Variants in CHPF2 observed in about 807,000 individuals in gnomAD.
CHPF2 encodes chondroitin polymerizing factor 2, non-catalytic subunit.
A neutral mutation model predicts 63.0 loss-of-function variants in CHPF2; 58 were observed. The ratio of observed to expected loss-of-function variants is 0.92; its 90% confidence interval spans 0.75 to 1.15. The LOEUF is 1.15. Ranked by LOEUF, CHPF2 falls within the 50% of genes most tolerant of loss-of-function variation. The probability of loss-of-function intolerance (pLI) is 0.00; values close to 1 mark genes in which losing one functional copy is unlikely to be tolerated. For missense variants in CHPF2, 1,045 were observed against 1,035.4 expected, an observed-to-expected ratio of 1.01 and a Z score of -0.13; for synonymous variants, 442 against 438.0, an observed-to-expected ratio of 1.01 and a Z score of -0.11.
chr7:151,236,389 G>T lies in CHPF2; in HGVS notation c.829-19G>T. ...GCAGCTCTTGTGTGTGTCATTGATT[G>T]GTCTGATTGTCCCTCTAGGGGCAGC... On this transcript the variant is annotated intron_variant, in intron 2 of 3. Transcript: ENST00000035307. The T allele has an allele frequency of 3.9e-6, 6 of 1,546,530 alleles. No individual in the cohort carries two copies. The highest frequency in any genetic ancestry group is 1.2e-5 in the South Asian group (1 of 82,942).
chr7:151,233,859 TC>T lies in CHPF2; in HGVS notation c.-151del. On this transcript the variant is annotated 5_prime_UTR_variant, in exon 1 of 4. The change abolishes the stop of an existing upstream ORF in the 5' untranslated region. Transcript: ENST00000035307. Reference sequence around the variant, plus strand: ...AGGACAATCTTCTTGGGGATGCTGGTCCTGGAAGCCAGCGGGCCTCGCTCTG... The same window carrying T: ...AGGACAATCTTCTTGGGGATGCTGGTCTGGAAGCCAGCGGGCCTCGCTCTG... 7.8e-7 allele frequency: 1 copy of T among 1,275,610 alleles called. No individual in the cohort carries two copies. 79.0% of individuals were successfully genotyped at this position (1,275,610 alleles called of 1,614,324 possible). A position where few individuals can be genotyped will look rare whatever the true frequency, so the allele number is the denominator to read the frequency against.
In CHPF2 at chr7:151,235,407, G is replaced by A. The variant is rs376176162; in HGVS notation, c.623G>A (p.Gly208Asp). The A allele has an allele frequency of 1.9e-6, 3 of 1,613,068 alleles. No individual in the cohort carries two copies. Among genetic ancestry groups the A allele is most frequent in the African/African-American group, 2.7e-5 (2 of 74,940 alleles). The change falls in exon 2 of 4, where the codon GGC becomes GAC. Residue 208 changes from glycine (G) to aspartate (D), a missense_variant. Coordinates refer to ENST00000035307, the MANE Select transcript of CHPF2 (RefSeq NM_019015.3). ...HLSINQDLYL[G>D]RAEEFIGAGE... ...AGCATCAACCAAGACCTGTACTTAG[G>A]CCGGGCAGAGGAGTTCATTGGCGCA...
rs772962063 is a variant in CHPF2 at position 151,235,485 on chromosome 7, G to A, written c.701G>A (p.Ser234Asn). The A allele has an allele frequency of 6.2e-7, 1 of 1,611,664 alleles. No individual in the cohort carries two copies. Among genetic ancestry groups the A allele is most frequent in the Non-Finnish European group, 8.5e-7 (1 of 1,180,022 alleles). The part of the protein sequence containing the change: ...HGGFGYLLSR[S>N]LLLRLRPHLD... ...GGCTTTGGCTACCTGTTGTCACGGA[G>A]TCTCCTGCTTCGTCTGCGGCCACAT... Residue 234 changes from serine (S) to asparagine (N), a missense_variant, in exon 2 of 4, where the codon AGT becomes AAT. Transcript: ENST00000035307.
At chr7:151,235,645 G>C in intron 2 of CHPF2, 33 bp downstream of exon 2, 1 of 1,559,680 alleles carries the variant, frequency 6.4e-7, no homozygotes, top group Non-Finnish European at 8.7e-7. Context: ...CCCAGTCCCT[G>C]ATAAGCTAGT....
In CHPF2 at chr7:151,237,924, C is replaced by G; in HGVS notation, c.1562C>G (p.Ala521Gly). The G allele has an allele frequency of 6.2e-7, 1 of 1,612,934 alleles. No individual in the cohort carries two copies. Among genetic ancestry groups the G allele is most frequent in the Non-Finnish European group, 8.5e-7 (1 of 1,179,952 alleles). ...AANVLEPREHALLTLLLVYGP... is the reference protein window; with the variant it reads ...AANVLEPREHGLLTLLLVYGP... ...AATGTCCTGGAGCCACGAGAACATGCATTGCTCACCCTGTTGCTGGTCTAC... is the reference window on the plus strand; with the variant it reads ...AATGTCCTGGAGCCACGAGAACATGGATTGCTCACCCTGTTGCTGGTCTAC... The change falls in exon 4 of 4, where the codon GCA (alanine) becomes GGA (glycine). Residue 521 changes from alanine to glycine, a missense_variant. Physicochemically the swap from Ala to Gly is moderately conservative, Grantham distance 60. Transcript: ENST00000035307.
rs1388309195 is a variant in CHPF2, at chr7:151,238,337, C to G, written c.1975C>G (p.Pro659Ala). The G allele has an allele frequency of 6.2e-7, 1 of 1,609,634 alleles. No individual in the cohort carries two copies. Among genetic ancestry groups the G allele is most frequent in the Non-Finnish European group, 8.5e-7 (1 of 1,177,888 alleles). Reference protein sequence around the residue: ...PPGADPSRGAPIGGRFDRQAS... With the variant: ...PPGADPSRGAAIGGRFDRQAS... ...TGGTGCTGACCCCTCCCGGGGGGCT[C>G]CTATAGGGGGGAGATTTGACCGGCA... Residue 659 changes from proline (P) to alanine (A), a missense_variant, in exon 4 of 4, where the codon CCT becomes GCT. By Grantham distance (27) the Pro-to-Ala change is conservative. Transcript: ENST00000035307.
Position 151,232,860 on chromosome 7 carries a change from A to G in CHPF2, c.-1152A>G, listed in dbSNP as rs1355666480. The stretch of plus-strand genomic sequence containing the variant: ...GCCGCGACCTCCGACCCCGCCTCGC[A>G]GAACGACCCGAGCTGGTCTCCCGAG... On this transcript the variant is annotated 5_prime_UTR_variant, in exon 1 of 4. Transcript: ENST00000035307. 1 of 1,435,022 alleles carries G rather than the reference A, an allele frequency of 7.0e-7. No homozygotes were observed. Among genetic ancestry groups the G allele is most frequent in the Non-Finnish European group, 9.1e-7 (1 of 1,098,206 alleles). The allele number at this position is 1,435,022 out of a possible 1,614,324, so 88.9% of individuals were successfully genotyped here.
chr7:151,232,888 C>T lies in CHPF2; in HGVS notation c.-1124C>T. 2 of 1,383,996 alleles carry T rather than the reference C, an allele frequency of 1.4e-6. No homozygotes were observed. The highest frequency in any genetic ancestry group is 1.9e-6 in the Non-Finnish European group (2 of 1,073,800). 85.7% of individuals were successfully genotyped at this position (1,383,996 alleles called of 1,614,324 possible). A position where few individuals can be genotyped will look rare whatever the true frequency, so the allele number is the denominator to read the frequency against. On this transcript the variant is annotated 5_prime_UTR_variant, in exon 1 of 4. Coordinates refer to ENST00000035307, the MANE Select transcript of CHPF2 (RefSeq NM_019015.3). ...ACGACCCGAGCTGGTCTCCCGAGCC[C>T]CCTTCTCAGCAGCCCGGTGACGTGG...
rs576554820 is a variant in CHPF2 at position 151,237,460 on chromosome 7, A to G, written c.1098A>G (p.Pro366=). The G allele has an allele frequency of 3.1e-6, 5 of 1,613,894 alleles. No homozygotes were observed. The South Asian group carries it at 5.5e-5, about 18-fold the overall frequency. The change falls in exon 4 of 4, where the codon CCA becomes CCG. Residue 366 remains proline, a synonymous_variant. Transcript: ENST00000035307. ...WPVGLPAPFT[P]HSRFEVLGWD... Reference sequence around the variant, plus strand: ...TTGGGCTCCCTGCTCCTTTCACACCACACTCTCGCTTTGAGGTGCTGGGCT... The same window carrying G: ...TTGGGCTCCCTGCTCCTTTCACACCGCACTCTCGCTTTGAGGTGCTGGGCT...
chr7:151,234,814 G>A (rs1380476652), intron 1 of CHPF2, among the ~76,000 whole-genome samples: 1 of 152,094 alleles, frequency 6.6e-6, no homozygotes, highest in African/African-American at 2.4e-5. Flanking sequence ...CTTGAACAGA[G>A]GAGGAATTGC....
At position 151,233,104 on chromosome 7, in the gene CHPF2, GCT is replaced by G; in HGVS notation, c.-901_-900del. 2 of 1,195,548 alleles carry G rather than the reference GCT, an allele frequency of 1.7e-6. No individual in the cohort carries two copies. The highest frequency in any genetic ancestry group is 2.1e-6 in the Non-Finnish European group (2 of 962,918). The allele number at this position is 1,195,548 out of a possible 1,614,324, so 74.1% of individuals were successfully genotyped here. On this transcript the variant is annotated 5_prime_UTR_variant, in exon 1 of 4. Transcript: ENST00000035307. The stretch of plus-strand genomic sequence containing the variant: ...GGCATTGTCTCTAGTTGCTGCTTGT[GCT>G]CTCTCTTTGCTTTTGGTTTGCTTCA...
At chr7:151,237,076 G>A (rs2446065) in intron 3 of CHPF2, 10 of 606,740 alleles carry the variant, frequency 1.6e-5, no homozygotes, top group Non-Finnish European at 3.1e-5. Flanking sequence ...GAGTCCTTTG[G>A]GTGTAGGAGA....
rs779781742 is a variant in CHPF2 at position 151,238,166 on chromosome 7, G to A, written c.1804G>A (p.Glu602Lys). The part of the protein sequence containing the change: ...LTTVWTRPGP[E>K]VLNRCRMNAI... Reference sequence around the variant, plus strand: ...CACCGTGTGGACAAGGCCTGGGCCCGAAGTCCTCAACCGCTGTCGCATGAA... The same window carrying A: ...CACCGTGTGGACAAGGCCTGGGCCCAAAGTCCTCAACCGCTGTCGCATGAA... The change falls in exon 4 of 4, where the codon GAA (glutamate) becomes AAA (lysine). Residue 602 changes from glutamate (E) to lysine (K), a missense_variant. Transcript: ENST00000035307. 129 of 1,612,544 alleles carry A rather than the reference G, an allele frequency of 8.0e-5. No homozygotes were observed. The highest frequency in any genetic ancestry group is 1.0e-4 in the Admixed American group (6 of 60,004).
At position 151,234,210 on chromosome 7, in the gene CHPF2, G is replaced by A. The variant is rs1802559761; in HGVS notation, c.199G>A (p.Asp67Asn). Reference sequence around the variant, plus strand: ...AGCTCGGCTAGACCAAAGTGATGAAGACTTCAAACCCCGGATTGTCCCCTA... The same window carrying A: ...AGCTCGGCTAGACCAAAGTGATGAAAACTTCAAACCCCGGATTGTCCCCTA... ...SRARLDQSDEDFKPRIVPYYR... is the reference protein window; with the variant it reads ...SRARLDQSDENFKPRIVPYYR... The change falls in exon 1 of 4, where the codon GAC (aspartate) becomes AAC (asparagine). Residue 67 changes from aspartate to asparagine, a missense_variant. Physicochemically the swap from Asp to Asn is conservative, Grantham distance 23 (BLOSUM62 1). Transcript: ENST00000035307. The A allele has an allele frequency of 1.9e-6, 3 of 1,613,182 alleles. No individual in the cohort carries two copies. The East Asian group carries it at 6.7e-5, about 36-fold the overall frequency.
rs563231366 is a variant in CHPF2, at chr7:151,233,291, T to G, written c.-721T>G. On this transcript the variant is annotated 5_prime_UTR_variant, in exon 1 of 4. Coordinates refer to ENST00000035307, the MANE Select transcript of CHPF2 (RefSeq NM_019015.3). ...CTCCTGAGAGGCTGTCAGTGCTGAG[T>G]CACCGATCTACCTCATTCGGGTGGG... The G allele has an allele frequency of 1.4e-4, 142 of 988,576 alleles. 1 individual carries two copies. The highest frequency in any genetic ancestry group is 1.7e-4 in the Non-Finnish European group (139 of 832,138). 61.2% of individuals were successfully genotyped at this position (988,576 alleles called of 1,614,324 possible).
chr7:151,236,388 T>C lies in CHPF2; in HGVS notation c.829-20T>C. 5 of 1,544,416 alleles carry C rather than the reference T, an allele frequency of 3.2e-6. No homozygotes were observed. The highest frequency in any genetic ancestry group is 4.4e-6 in the Non-Finnish European group (5 of 1,139,100). On this transcript the variant is annotated intron_variant, in intron 2 of 3. Transcript: ENST00000035307. ...GGCAGCTCTTGTGTGTGTCATTGAT[T>C]GGTCTGATTGTCCCTCTAGGGGCAG...
chr7:151,238,498 A>C lies in CHPF2; in HGVS notation c.2136A>C (p.Ser712=). The change falls in exon 4 of 4, where the codon TCA becomes TCC. Residue 712 remains serine (S), a synonymous_variant. Transcript: ENST00000035307. The part of the protein sequence containing the change: ...LEVMDVFLRF[S]GLHLFRAVEP... ...TGATGGATGTTTTCCTCCGGTTCTC[A>C]GGGCTCCACCTCTTTCGGGCCGTAG... 6.3e-7 allele frequency: 1 copy of C among 1,597,474 alleles called. No individual in the cohort carries two copies. The highest frequency in any genetic ancestry group is 8.6e-7 in the Non-Finnish European group (1 of 1,169,538).
chr7:151,237,357 C>T lies in CHPF2; in HGVS notation c.1012-17C>T. ...CTGGAGCTGGCACTAATGTGAGGTGCATTCCCTCCAACCCAGGCTCAGATC... is the reference window on the plus strand; with the variant it reads ...CTGGAGCTGGCACTAATGTGAGGTGTATTCCCTCCAACCCAGGCTCAGATC... On this transcript the variant is annotated splice_polypyrimidine_tract_variant and intron_variant, in intron 3 of 3. Transcript: ENST00000035307. 6.4e-7 allele frequency: 1 copy of T among 1,565,102 alleles called. No homozygotes were observed. The highest frequency in any genetic ancestry group is 1.7e-5 in the Admixed American group (1 of 57,332).
At chr7:151,234,426 C>A (rs1802566684) in intron 1 of CHPF2, 152 bp downstream of exon 1, 2 of 544,332 alleles carry the variant, frequency 3.7e-6, no homozygotes, top group Non-Finnish European at 6.1e-6. Flanking sequence ...TGTTTTTTCC[C>A]TCCTTCTCAG....
Sources: gnomAD v4.1 joint callset for allele counts (sites outside exome capture counted in the v4.1 genomes callset) on GRCh38, gnomAD v4.1.1 for gene constraint, MANE v1.5 for transcripts, NCBI Gene and HGNC (gene_info 2026-07-23, HGNC 2026-07-21) for gene names.